The following TOPAZ1 variants were observed in gnomAD, a reference collection of about 807,000 sequenced individuals.
TOPAZ1 encodes the protein protein TOPAZ1.
Under a neutral mutation model 172.2 loss-of-function variants are expected in TOPAZ1, and 66 were observed. That is an observed-to-expected ratio of 0.38 (90% confidence interval 0.31 to 0.47). The LOEUF (loss-of-function observed/expected upper bound fraction) is 0.47. Ranked by LOEUF, TOPAZ1 falls within the 20% of genes least tolerant of loss-of-function variation. The pLI is 0.99. For missense variants in TOPAZ1, 1,822 were observed against 1,972.4 expected, an observed-to-expected ratio of 0.92 and a Z score of 1.44; for synonymous variants, 681 against 683.9, an observed-to-expected ratio of 1.00 and a Z score of 0.07.
intron 6 of TOPAZ1, among the ~76,000 whole-genome samples, chr3:44,268,537 C>A (rs1329652559): frequency 6.6e-6 from 1 of 151,852 alleles, no homozygotes; most frequent in Non-Finnish European, 1.5e-5. Flanking sequence ...CCATGCCTGG[C>A]TAATTTTTGT....
At chr3:44,255,706 CACACACACACACACAT>C (rs1410387144) in intron 3 of TOPAZ1, among the ~76,000 whole-genome samples, 1,702 of 120,956 alleles carry the variant, frequency 0.014, 93 homozygotes, top group African/African-American at 0.049. Context: ...CACACACACA[CACACACACACACACAT>C]ATATATATGG....
rs142900874 is a variant in TOPAZ1 at position 44,275,715 on chromosome 3, C to T, written c.3372+4905C>T. Among the ~76,000 whole-genome samples the T allele has an allele frequency of 7.8e-4, 118 of 152,072 alleles. 2 individuals carry two copies. The East Asian group carries it at 0.018, about 23-fold the overall frequency. On this transcript the variant is annotated intron_variant, in intron 8 of 19. Transcript: ENST00000309765. ...ATTTTTTTTTCTTTGGATAAATACC[C>T]AGTAGTGGGATTGCTAAATCATATG...
At chr3:44,257,357 GTGTGTGTGTGTGT>G (rs1699720383) in intron 4 of TOPAZ1, among the ~76,000 whole-genome samples, 2 of 15,236 alleles carry the variant, frequency 1.3e-4, no homozygotes, top group East Asian at 7.1e-3. Flanking sequence ...ATAGGGGTGT[GTGTGTGTGTGTGT>G]GTGTGTGTGT....
intron 7 of TOPAZ1, among the ~76,000 whole-genome samples, chr3:44,269,664 A>G (rs747414876): frequency 2.8e-4 from 43 of 150,892 alleles, no homozygotes; most frequent in Non-Finnish European, 4.3e-4. Context: ...CTTGTCGTCT[A>G]GGCTGGAGTA....
intron 8 of TOPAZ1, among the ~76,000 whole-genome samples, chr3:44,278,626 T>G (rs538925445): frequency 7.4e-4 from 112 of 152,326 alleles, no homozygotes; most frequent in African/African-American, 2.5e-3. Flanking sequence ...CTTTTTCATG[T>G]ATAGTTAGTT....
intron 16 of TOPAZ1, among the ~76,000 whole-genome samples, chr3:44,320,308 T>C (rs1700494390): frequency 6.6e-6 from 1 of 152,076 alleles, no homozygotes; most frequent in Non-Finnish European, 1.5e-5. Context: ...TAAGAAAAGC[T>C]ATTCGCTGGT....
At chr3:44,249,117 G>C (rs1699599791) in intron 2 of TOPAZ1, among the ~76,000 whole-genome samples, 1 of 152,084 alleles carries the variant, frequency 6.6e-6, no homozygotes, top group African/African-American at 2.4e-5. Flanking sequence ...GTGCTGGACA[G>C]TTAATCTGTA....
intron 9 of TOPAZ1, among the ~76,000 whole-genome samples, chr3:44,284,081 C>G (rs77353481): frequency 6.6e-6 from 1 of 151,696 alleles, no homozygotes; most frequent in South Asian, 2.1e-4. Flanking sequence ...ACATTTCCAC[C>G]GTCTGTCTTG....
chr3:44,330,017 C>T (rs948769186), intron 19 of TOPAZ1, among the ~76,000 whole-genome samples: 4 of 152,214 alleles, frequency 2.6e-5, no homozygotes, highest in Non-Finnish European at 5.9e-5. Context: ...GGAGAGTTGT[C>T]ATCCAACAGC....
At position 44,321,180 on chromosome 3, in the gene TOPAZ1, A is replaced by T; in HGVS notation, c.4460A>T (p.Gln1487Leu). The T allele has an allele frequency of 6.5e-7, 1 of 1,541,234 alleles. No homozygotes were observed. The highest frequency in any genetic ancestry group is 8.7e-7 in the Non-Finnish European group (1 of 1,143,846). ...GTTTTGCAGAATCTACCAGGTTTTC[A>T]AAATTCCCAAGGTATGTTTTTTAAA... ...FEVLQNLPGF[Q>L]NSQETVEVSQ... Residue 1487 changes from glutamine (Q) to leucine (L), a missense_variant, in exon 17 of 20, where the codon CAA (glutamine) becomes CTA (leucine). Transcript: ENST00000309765.
intron 6 of TOPAZ1, 125 bp downstream of exon 6, chr3:44,267,261 TAGA>T: frequency 1.3e-6 from 1 of 773,130 alleles, no homozygotes; most frequent in Non-Finnish European, 1.9e-6. Context: ...ATGTTAAAAT[TAGA>T]AGGTTTGTGC....
At chr3:44,302,822 T>G (rs1700291069) in intron 12 of TOPAZ1, among the ~76,000 whole-genome samples, 1 of 152,204 alleles carries the variant, frequency 6.6e-6, no homozygotes, top group South Asian at 2.1e-4. Flanking sequence ...TTTTTGTATT[T>G]ATAAAAGCTA....
chr3:44,325,689 G>T (rs1042919590), intron 18 of TOPAZ1, among the ~76,000 whole-genome samples: 2 of 151,458 alleles, frequency 1.3e-5, no homozygotes, highest in Non-Finnish European at 2.9e-5. Context: ...TGTCACCTAG[G>T]CTGGAGTACA....
intron 18 of TOPAZ1, among the ~76,000 whole-genome samples, chr3:44,327,077 A>G (rs1700608459): frequency 6.6e-6 from 1 of 152,214 alleles, no homozygotes; most frequent in Non-Finnish European, 1.5e-5. Flanking sequence ...TGGGCACCCC[A>G]TGCAAGCTTA....
intron 13 of TOPAZ1, among the ~76,000 whole-genome samples, 176 bp from the exon 14 acceptor site, chr3:44,304,971 C>T (rs1405411177): frequency 6.6e-6 from 1 of 152,108 alleles, no homozygotes; most frequent in Non-Finnish European, 1.5e-5. Context: ...AGCAAAGTTA[C>T]AATAGTGTGT....
intron 13 of TOPAZ1, among the ~76,000 whole-genome samples, chr3:44,304,495 A>C (rs1171110540): frequency 2.6e-5 from 4 of 152,236 alleles, no homozygotes; most frequent in Non-Finnish European, 5.9e-5. Context: ...AGAGTATAAG[A>C]AATGAGGACC....
At chr3:44,290,927 C>G in intron 12 of TOPAZ1, 41 bp downstream of exon 12, 1 of 1,297,442 alleles carries the variant, frequency 7.7e-7, no homozygotes, top group Non-Finnish European at 1.1e-6. Flanking sequence ...ATATATGTGT[C>G]TTGGTGGGGA....
In TOPAZ1 at chr3:44,290,812, C is replaced by G. The variant is rs1251086272; in HGVS notation, c.3723C>G (p.Asn1241Lys). ...AGMVLDPEHF[N>K]YIVKLLYQVQ... is the part of the protein sequence containing the mutation. Reference sequence around the variant, plus strand: ...TGGTGCTTGACCCAGAGCACTTTAACTATATTGTTAAGCTTTTATACCAAG... The same window carrying G: ...TGGTGCTTGACCCAGAGCACTTTAAGTATATTGTTAAGCTTTTATACCAAG... The change falls in exon 12 of 20, where the codon AAC (asparagine) becomes AAG (lysine). Residue 1241 changes from asparagine to lysine, a missense_variant. Around this residue, in one of 2 missense-constraint regions of TOPAZ1, gnomAD observed 1,489 missense variants for 1,490.8 expected, o/e 1.00. Coordinates refer to ENST00000309765, the MANE Select transcript of TOPAZ1 (RefSeq NM_001145030.2). 6.5e-7 allele frequency: 1 copy of G among 1,550,294 alleles called. No individual in the cohort carries two copies. The highest frequency in any genetic ancestry group is 2.4e-5 in the East Asian group (1 of 40,854).
intron 6 of TOPAZ1, among the ~76,000 whole-genome samples, chr3:44,268,366 CTTTTT>C (rs34027226): frequency 3.0e-5 from 2 of 67,470 alleles, no homozygotes; most frequent in African/African-American, 1.1e-4. Context: ...GGTGCCTATT[CTTTTT>C]TTTTTTTTTT....
Sources: gnomAD v4.1 joint callset for allele counts (sites outside exome capture counted in the v4.1 genomes callset) on GRCh38, gnomAD v4.1.1 for gene constraint, gnomAD v4.1.1 regional missense constraint, MANE v1.5 for transcripts, NCBI Gene and HGNC (gene_info 2026-07-23, HGNC 2026-07-21) for gene names.